The following MNAT1 variants were observed in gnomAD, a reference collection of about 807,000 sequenced individuals.
MNAT1 encodes the protein CDK-activating kinase assembly factor MAT1.
Under a neutral mutation model 42.0 loss-of-function variants are expected in MNAT1, and 43 were observed. That is an observed-to-expected ratio of 1.02 (90% CI 0.80 to 1.32). MNAT1 has a LOEUF of 1.32. Among genes scored for constraint, MNAT1 ranks in the 40% most tolerant of loss-of-function variants. The pLI is 0.00. For synonymous variants in MNAT1, 118 were observed against 120.0 expected, an observed-to-expected ratio of 0.98 and a Z score of 0.11; for missense variants, 306 against 350.4, an observed-to-expected ratio of 0.87 and a Z score of 1.01.
rs576139596 is a variant in MNAT1, at chr14:60,824,927, G to T, written c.687+6080G>T. Reference sequence around the variant, plus strand: ...TTAAGTTATATTACTCTCAATGTGTGTTAAAATATTGGATCACTTACCCCC... The same window carrying T: ...TTAAGTTATATTACTCTCAATGTGTTTTAAAATATTGGATCACTTACCCCC... On this transcript the variant is annotated intron_variant, in intron 6 of 7. Coordinates refer to ENST00000261245, the MANE Select transcript of MNAT1 (RefSeq NM_002431.4). Among the ~76,000 whole-genome samples, 4 of 152,214 alleles carry T rather than the reference G, an allele frequency of 2.6e-5. No individual in the cohort carries two copies. In the South Asian group the frequency reaches 8.3e-4, roughly 32 times the overall value.
chr14:60,851,224 A>G lies in MNAT1; in HGVS notation c.688-28490A>G, dbSNP rs1161901144. On this transcript the variant is annotated intron_variant, in intron 6 of 7. Transcript: ENST00000261245. ...CCAAGTTAAGAAACAATCTGGTGAGATCTTGATTAAAATTCTGCTGTTAAA... is the reference window on the plus strand; with the variant it reads ...CCAAGTTAAGAAACAATCTGGTGAGGTCTTGATTAAAATTCTGCTGTTAAA... Among the ~76,000 whole-genome samples the G allele has an allele frequency of 2.0e-5, 3 of 152,294 alleles. No individual in the cohort carries two copies. In the East Asian group the frequency reaches 5.8e-4, roughly 29 times the overall value.
At chr14:60,846,297 G>A (rs187086158) in intron 6 of MNAT1, among the ~76,000 whole-genome samples, 84 of 152,068 alleles carry the variant, frequency 5.5e-4, no homozygotes, top group East Asian at 5.0e-3. Flanking sequence ...TGGTAGTTTT[G>A]TTCCTTCTCT....
At chr14:60,735,097 C>T in intron 1 of MNAT1, 146 bp downstream of exon 1, 3 of 787,182 alleles carry the variant, frequency 3.8e-6, no homozygotes, top group Non-Finnish European at 6.3e-6. Context: ...GGCGTTGTGA[C>T]TTTAAATAGA....
chr14:60,902,792 T>C (rs1278353105), intron 7 of MNAT1, among the ~76,000 whole-genome samples: 1 of 152,142 alleles, frequency 6.6e-6, no homozygotes, highest in Non-Finnish European at 1.5e-5. Context: ...GCTGTTGTGA[T>C]AAAGTTTTCA....
chr14:60,870,512 A>AT (rs995494712), intron 6 of MNAT1, among the ~76,000 whole-genome samples: 4 of 152,132 alleles, frequency 2.6e-5, no homozygotes, highest in African/African-American at 9.7e-5. Context: ...ACTTAATGGT[A>AT]TTTTTCAAGA....
chr14:60,910,648 A>G (rs968162336), intron 7 of MNAT1, among the ~76,000 whole-genome samples: 2 of 152,142 alleles, frequency 1.3e-5, no homozygotes, highest in Admixed American at 6.5e-5. Flanking sequence ...TGTATGTTGA[A>G]CCAGCCTTGC....
At chr14:60,777,836 C>T (rs1045853628) in intron 1 of MNAT1, among the ~76,000 whole-genome samples, 3 of 152,016 alleles carry the variant, frequency 2.0e-5, no homozygotes, top group Non-Finnish European at 4.4e-5. Flanking sequence ...GAAGCATCTT[C>T]TAGTGGAAAG....
At chr14:60,780,881 A>T (rs544083941) in intron 1 of MNAT1, among the ~76,000 whole-genome samples, 1 of 152,302 alleles carries the variant, frequency 6.6e-6, no homozygotes, top group South Asian at 2.1e-4. Context: ...GTAACTGTAG[A>T]TGGAAAAACT....
At chr14:60,862,268 G>A (rs1171257990) in intron 6 of MNAT1, among the ~76,000 whole-genome samples, 3 of 152,122 alleles carry the variant, frequency 2.0e-5, no homozygotes, top group African/African-American at 4.8e-5. Context: ...ATAACTGTTA[G>A]CACATATGCT....
At chr14:60,840,423 T>C (rs1431416073) in intron 6 of MNAT1, among the ~76,000 whole-genome samples, 1 of 151,838 alleles carries the variant, frequency 6.6e-6, no homozygotes, top group Non-Finnish European at 1.5e-5. Flanking sequence ...TGTGCCAGAG[T>C]TTTCTGTCAG....
chr14:60,754,447 A>G (rs2030244322), intron 1 of MNAT1, among the ~76,000 whole-genome samples: 1 of 150,814 alleles, frequency 6.6e-6, no homozygotes, highest in Non-Finnish European at 1.5e-5. Flanking sequence ...TCCCAGGTTC[A>G]AGCGATTCTG....
At chr14:60,911,099 A>C (rs1220744955) in intron 7 of MNAT1, among the ~76,000 whole-genome samples, 1 of 152,070 alleles carries the variant, frequency 6.6e-6, no homozygotes, top group African/African-American at 2.4e-5. Context: ...TAGATTTTCT[A>C]GTTTATTTGT....
chr14:60,938,105 A>C (rs2036048241), intron 7 of MNAT1, among the ~76,000 whole-genome samples: 1 of 152,216 alleles, frequency 6.6e-6, no homozygotes. Context: ...GAAGTTGCCT[A>C]TCAGCTTGAG....
intron 5 of MNAT1, among the ~76,000 whole-genome samples, chr14:60,814,389 A>T (rs2032647570): frequency 6.6e-6 from 1 of 152,048 alleles, no homozygotes; most frequent in Non-Finnish European, 1.5e-5. Flanking sequence ...TGACTTCACA[A>T]ACCGGAAAAT....
At chr14:60,807,062 C>T (rs930356641) in intron 3 of MNAT1, among the ~76,000 whole-genome samples, 2 of 152,148 alleles carry the variant, frequency 1.3e-5, no homozygotes, top group African/African-American at 2.4e-5. Flanking sequence ...TTCTCATTTT[C>T]TCTCAATTCT....
chr14:60,827,489 G>A lies in MNAT1; in HGVS notation c.687+8642G>A, dbSNP rs539947199. Reference sequence around the variant, plus strand: ...TGTGAGTTATAGAAAATTAATACCCGTTCGTATCTGAAAAAGAAAATAAAA... The same window carrying A: ...TGTGAGTTATAGAAAATTAATACCCATTCGTATCTGAAAAAGAAAATAAAA... On this transcript the variant is annotated intron_variant, in intron 6 of 7. Coordinates refer to ENST00000261245, the MANE Select transcript of MNAT1 (RefSeq NM_002431.4). Among the ~76,000 whole-genome samples, 19 of 152,122 alleles carry A rather than the reference G, an allele frequency of 1.2e-4. No individual in the cohort carries two copies. In the South Asian group the frequency reaches 2.5e-3, roughly 20 times the overall value.
At chr14:60,828,446 A>G (rs1325359997) in intron 6 of MNAT1, among the ~76,000 whole-genome samples, 2 of 152,018 alleles carry the variant, frequency 1.3e-5, no homozygotes, top group East Asian at 3.8e-4. Flanking sequence ...TATTTTATCT[A>G]TAGACTCCTA....
chr14:60,953,745 A>AC lies in MNAT1; in HGVS notation c.810-14483dup, dbSNP rs2036427698. ...CTTTACAATTTACATTCTCATTAAC[A>AC]CTGTACTAGGGGTTCTCTGTTCTCC... On this transcript the variant is annotated intron_variant, in intron 7 of 7. Coordinates refer to ENST00000261245, the MANE Select transcript of MNAT1 (RefSeq NM_002431.4). Among the ~76,000 whole-genome samples the AC allele has an allele frequency of 1.1e-4, 16 of 152,168 alleles. 1 individual carries two copies. In the South Asian group the frequency reaches 3.1e-3, roughly 30 times the overall value.
At chr14:60,843,566 G>A (rs867665950) in intron 6 of MNAT1, among the ~76,000 whole-genome samples, 5 of 152,064 alleles carry the variant, frequency 3.3e-5, no homozygotes, top group Middle Eastern at 3.4e-3. Context: ...CACTGCGTCC[G>A]GCCTCGTTTG....
Sources: allele counts gnomAD v4.1 joint callset (sites outside exome capture counted in the v4.1 genomes callset), GRCh38; gene constraint gnomAD v4.1.1; transcripts MANE v1.5; gene names NCBI Gene and HGNC (gene_info 2026-07-23, HGNC 2026-07-21).